KCNMA1: variants seen among roughly 807,000 people sequenced by gnomAD.
KCNMA1 encodes potassium calcium-activated channel subfamily M alpha 1.
A neutral mutation model predicts 140.0 loss-of-function variants in KCNMA1; 29 were observed. That is an observed-to-expected ratio of 0.21 (90% CI 0.15 to 0.28). KCNMA1 has a LOEUF of 0.28. KCNMA1 is among the 10% of genes least tolerant of loss of function. The pLI is 1.00. For synonymous variants in KCNMA1, 612 were observed against 611.9 expected (o/e 1.00, Z 0.00); for missense variants, 880 against 1,602.2 (o/e 0.55, Z 7.70).
chr10:77,336,330 C>A (rs982604597), intron 2 of KCNMA1, among the ~76,000 whole-genome samples: 1 of 151,012 alleles, frequency 6.6e-6, no homozygotes, highest in African/African-American at 2.4e-5. Flanking sequence ...GGCTACAGAA[C>A]AGAAGACAAA....
chr10:76,977,885 C>A (rs370064005), intron 19 of KCNMA1: 3 of 477,558 alleles, frequency 6.3e-6, no homozygotes, highest in Non-Finnish European at 1.1e-5. Flanking sequence ...CCACATCTAC[C>A]GTGAGCAATT....
chr10:77,600,054 G>C (rs968893611), intron 1 of KCNMA1, among the ~76,000 whole-genome samples: 3 of 152,212 alleles, frequency 2.0e-5, no homozygotes, highest in African/African-American at 7.2e-5. Context: ...TACGCTGTGG[G>C]AAGCAGGCTG....
intron 13 of KCNMA1, among the ~76,000 whole-genome samples, chr10:77,074,641 A>T (rs1440608776): frequency 6.6e-6 from 1 of 152,248 alleles, no homozygotes; most frequent in Non-Finnish European, 1.5e-5. Flanking sequence ...CCAAGAAAGC[A>T]GATTTTTGTC....
At chr10:76,973,821 G>C (rs2076758657) in intron 19 of KCNMA1, among the ~76,000 whole-genome samples, 1 of 141,674 alleles carries the variant, frequency 7.1e-6, no homozygotes, top group Non-Finnish European at 1.5e-5. Flanking sequence ...ACTGTGTCAG[G>C]GTTTACCAAG....
chr10:76,966,246 T>A (rs2153104934), intron 20 of KCNMA1, among the ~76,000 whole-genome samples: 1 of 152,304 alleles, frequency 6.6e-6, no homozygotes, highest in South Asian at 2.1e-4. Flanking sequence ...ACTTTTTGGA[T>A]TCCATGTGAG....
At chr10:77,012,732 G>A (rs2091125193) in intron 17 of KCNMA1, among the ~76,000 whole-genome samples, 1 of 152,202 alleles carries the variant, frequency 6.6e-6, no homozygotes, top group Non-Finnish European at 1.5e-5. Flanking sequence ...AAGCTCAGCT[G>A]ACCACTGGAA....
At chr10:77,331,821 ATG>A (rs935716166) in intron 2 of KCNMA1, among the ~76,000 whole-genome samples, 2 of 152,114 alleles carry the variant, frequency 1.3e-5, no homozygotes, top group East Asian at 3.9e-4. Context: ...TCTCTAATAT[ATG>A]TATATATATA....
chr10:77,634,570 C>T (rs1403065488), intron 1 of KCNMA1: 23 of 985,184 alleles, frequency 2.3e-5, no homozygotes, highest in East Asian at 1.1e-4. Context: ...TTCCTCTGGA[C>T]TCCAGCTCTT....
chr10:76,914,898 G>A, intron 24 of KCNMA1, 38 bp downstream of exon 24: 3 of 1,430,956 alleles, frequency 2.1e-6, no homozygotes, highest in Non-Finnish European at 3.0e-6. Context: ...TTGAAAGACA[G>A]AACAAAAACT....
intron 29 of KCNMA1, among the ~76,000 whole-genome samples, chr10:76,878,293 T>A (rs539381006): frequency 9.1e-4 from 138 of 152,256 alleles, no homozygotes; most frequent in African/African-American, 3.3e-3. Flanking sequence ...ATCCATTGAT[T>A]TGAGTGGAAC....
intron 1 of KCNMA1, among the ~76,000 whole-genome samples, chr10:77,494,412 G>A (rs1364452164): frequency 1.3e-5 from 2 of 152,186 alleles, no homozygotes; most frequent in East Asian, 1.9e-4. Context: ...CAGCAGCCTC[G>A]CTTACTGCCA....
intron 1 of KCNMA1, among the ~76,000 whole-genome samples, chr10:77,439,145 GAGAAA>G (rs1377026561): frequency 4.7e-4 from 53 of 111,714 alleles, no homozygotes; most frequent in African/African-American, 1.7e-3. Context: ...GAGAAGAGAA[GAGAAA>G]AGAGAAGAGA....
intron 1 of KCNMA1, among the ~76,000 whole-genome samples, chr10:77,424,157 A>C (rs979335422): frequency 2.0e-5 from 3 of 152,260 alleles, no homozygotes; most frequent in Non-Finnish European, 4.4e-5. Flanking sequence ...AGGTTAGTTA[A>C]TCCTTTGAAA....
chr10:77,231,830 T>C (rs527727972), intron 3 of KCNMA1, among the ~76,000 whole-genome samples: 1 of 152,352 alleles, frequency 6.6e-6, no homozygotes, highest in East Asian at 1.9e-4. Flanking sequence ...TGAGTTCTAG[T>C]TTCTACACCA....
At chr10:77,388,412 A>T (rs1431672313) in intron 2 of KCNMA1, among the ~76,000 whole-genome samples, 1 of 152,184 alleles carries the variant, frequency 6.6e-6, no homozygotes, top group Non-Finnish European at 1.5e-5. Context: ...ATGCTTTGAG[A>T]TCATGGGATA....
rs1283500744 is a variant in KCNMA1, at chr10:77,328,716, T to C, written c.540+75146A>G. Among the ~76,000 whole-genome samples the C allele has an allele frequency of 3.9e-5, 6 of 152,140 alleles. No individual in the cohort carries two copies. The East Asian group carries it at 5.8e-4, about 15-fold the overall frequency. On this transcript the variant is annotated intron_variant, in intron 2 of 27. Transcript: ENST00000286628. The stretch of plus-strand genomic sequence containing the variant: ...CAACAAAAGATAACAGAAGAAAACA[T>C]ATATGGGAGGTCATGACTTCTGAGA...
chr10:77,079,369 AGTGT>A lies in KCNMA1; in HGVS notation c.1593+108_1593+111del, dbSNP rs68133946. The A allele has an allele frequency of 2.0e-3, 1,306 of 661,604 alleles. 1 individual carries two copies. The highest frequency in any genetic ancestry group is 6.6e-3 in the South Asian group (420 of 63,404). 41.0% of individuals were successfully genotyped at this position (661,604 alleles called of 1,614,324 possible). On this transcript the variant is annotated intron_variant, in intron 13 of 27. Transcript: ENST00000286628. ...AGTTGCGCACATGTGGGCATGTGAG[AGTGT>A]GTGTGTGTGTGTGTGTGTGTGTGTG...
At chr10:77,070,554 C>T (rs1036250722) in intron 14 of KCNMA1, among the ~76,000 whole-genome samples, 2 of 152,106 alleles carry the variant, frequency 1.3e-5, no homozygotes, top group African/African-American at 4.8e-5. Context: ...CTTTGTCCAT[C>T]CTAATAGGCC....
intron 15 of KCNMA1, among the ~76,000 whole-genome samples, chr10:77,032,828 G>C (rs2094035574): frequency 6.6e-6 from 1 of 151,568 alleles, no homozygotes; most frequent in Non-Finnish European, 1.5e-5. Context: ...GAGTCCAACT[G>C]TTTCTGCCTA....
Sources: allele counts gnomAD v4.1 joint callset (sites outside exome capture counted in the v4.1 genomes callset), GRCh38; gene constraint gnomAD v4.1.1; transcripts MANE v1.5; gene names NCBI Gene and HGNC (gene_info 2026-07-23, HGNC 2026-07-21).